ATP2B2: variants seen among roughly 807,000 people sequenced by gnomAD.
The protein encoded by ATP2B2 is plasma membrane calcium-transporting ATPase 2.
A neutral mutation model predicts 120.0 loss-of-function variants in ATP2B2; 15 were observed. The observed-to-expected ratio is 0.12, with a 90% CI of 0.08 to 0.19. The LOEUF (loss-of-function observed/expected upper bound fraction) is 0.19, where lower values mean the gene tolerates loss of function less well. ATP2B2 is among the 10% of genes least tolerant of loss of function. The pLI is 1.00. For missense variants in ATP2B2, 1,045 were observed against 1,719.8 expected (o/e 0.61, Z 6.94); for synonymous variants, 694 against 700.3 (o/e 0.99, Z 0.14).
At chr3:10,671,491 G>C (rs758192089) in intron 1 of ATP2B2, among the ~76,000 whole-genome samples, 3 of 152,170 alleles carry the variant, frequency 2.0e-5, no homozygotes, top group Non-Finnish European at 4.4e-5. Context: ...CCACATCCCA[G>C]GAAGTCTCTT....
intron 1 of ATP2B2, among the ~76,000 whole-genome samples, chr3:10,688,022 ATTATCT>A (rs1211090471): frequency 1.3e-5 from 2 of 152,164 alleles, no homozygotes; most frequent in African/African-American, 2.4e-5. Flanking sequence ...AAATACACAC[ATTATCT>A]TTATTCATAT....
chr3:10,410,364 A>G (rs2062567107), intron 3 of ATP2B2, among the ~76,000 whole-genome samples: 1 of 152,222 alleles, frequency 6.6e-6, no homozygotes, highest in African/African-American at 2.4e-5. Context: ...AGCACACTGT[A>G]AGTGCTCAAA....
chr3:10,487,706 A>T (rs1271907826), intron 1 of ATP2B2, among the ~76,000 whole-genome samples: 1 of 152,200 alleles, frequency 6.6e-6, no homozygotes, highest in Non-Finnish European at 1.5e-5. Context: ...CGGGAAAGGA[A>T]ACAGAGAGAA....
chr3:10,653,197 C>A (rs1006831485), intron 1 of ATP2B2, among the ~76,000 whole-genome samples: 3 of 152,188 alleles, frequency 2.0e-5, no homozygotes, highest in African/African-American at 7.2e-5. Context: ...GAGCAGCAGG[C>A]CTGCACGGCT....
At position 10,401,030 on chromosome 3, in the gene ATP2B2, T is replaced by C. The variant is rs758879461; in HGVS notation, c.704A>G (p.Lys235Arg). 3 of 1,614,122 alleles carry C rather than the reference T, an allele frequency of 1.9e-6. No individual in the cohort carries two copies. Among genetic ancestry groups the C allele is most frequent in the Non-Finnish European group, 2.5e-6 (3 of 1,180,004 alleles). Residue 235 changes from lysine to arginine, a missense_variant, in exon 5 of 23, where the codon AAG (lysine) becomes AGG (arginine). This residue lies in a region of ATP2B2 where 145 missense variants were observed against 202.0 expected (regional missense o/e 0.72). Coordinates refer to ENST00000360273, the MANE Select transcript of ATP2B2 (RefSeq NM_001001331.4). ...TCCAGTTAGGGAGCTTTCATCAATC[T>C]TGAGGTCATTGCCCTGGATGAAGAG... ...DGLFIQGNDL[K>R]IDESSLTGES...
intron 2 of ATP2B2, among the ~76,000 whole-genome samples, chr3:10,556,477 C>T (rs1168979975): frequency 1.3e-5 from 2 of 152,130 alleles, no homozygotes; most frequent in African/African-American, 2.4e-5. Flanking sequence ...CAAGGCAGGG[C>T]GAGTGGCAAG....
At chr3:10,434,103 C>G (rs1400202270) in intron 2 of ATP2B2, among the ~76,000 whole-genome samples, 1 of 152,182 alleles carries the variant, frequency 6.6e-6, no homozygotes, top group Non-Finnish European at 1.5e-5. Context: ...GTGGGGCATA[C>G]CCCACTAGGG....
Position 10,327,736 on chromosome 3 carries a change from A to G in ATP2B2, c.*1078T>C, listed in dbSNP as rs1574912289. 1 of 152,696 alleles carries G rather than the reference A, an allele frequency of 6.5e-6. No homozygotes were observed. The highest frequency in any genetic ancestry group is 1.5e-5 in the Non-Finnish European group (1 of 68,042). The allele number at this position is 152,696 out of a possible 1,614,324, so 9.5% of individuals were successfully genotyped here. A position where few individuals can be genotyped will look rare whatever the true frequency, so the allele number is the denominator to read the frequency against. ...GGATGGCCGTTAGTGTTGCAAACCC[A>G]GGAAGCCTTCTCTCCTCCTCTCCCT... is the stretch of plus-strand genomic sequence containing the variant. On this transcript the variant is annotated 3_prime_UTR_variant, in exon 23 of 23. Transcript: ENST00000360273.
chr3:10,643,779 G>A (rs909637507), intron 1 of ATP2B2, among the ~76,000 whole-genome samples: 6 of 152,138 alleles, frequency 3.9e-5, no homozygotes, highest in African/African-American at 1.4e-4. Flanking sequence ...ACAACCAAAT[G>A]CAGTATCTGA....
intron 3 of ATP2B2, among the ~76,000 whole-genome samples, chr3:10,532,793 C>G (rs1449444670): frequency 1.3e-5 from 2 of 152,178 alleles, no homozygotes; most frequent in African/African-American, 4.8e-5. Flanking sequence ...TGCTTGTTTG[C>G]TCCCTCCCTG....
intron 2 of ATP2B2, among the ~76,000 whole-genome samples, chr3:10,597,184 CACAG>C: frequency 6.6e-6 from 1 of 151,142 alleles, no homozygotes. Context: ...GGCACAGGCA[CACAG>C]ACATACACAC....
chr3:10,466,189 A>T (rs182759600), intron 1 of ATP2B2, among the ~76,000 whole-genome samples: 12 of 152,342 alleles, frequency 7.9e-5, no homozygotes, highest in Admixed American at 6.5e-4. Flanking sequence ...TTTTAGGTTG[A>T]GCTGAGATTT....
At chr3:10,670,215 C>T (rs2071059576) in intron 1 of ATP2B2, among the ~76,000 whole-genome samples, 1 of 152,198 alleles carries the variant, frequency 6.6e-6, no homozygotes, top group African/African-American at 2.4e-5. Context: ...CTGAACTAGC[C>T]TTCGCTGGAG....
intron 3 of ATP2B2, among the ~76,000 whole-genome samples, chr3:10,530,007 C>T (rs1028559760): frequency 2.0e-5 from 3 of 152,170 alleles, no homozygotes; most frequent in Admixed American, 1.3e-4. Flanking sequence ...CCTCTGACAC[C>T]TTGATCTTGG....
In ATP2B2 at chr3:10,333,450, A is replaced by C. The variant is rs1196343897; in HGVS notation, c.3421-4325T>G. Among the ~76,000 whole-genome samples, 8 of 152,220 alleles carry C rather than the reference A, an allele frequency of 5.3e-5. No individual in the cohort carries two copies. In the East Asian group the frequency reaches 1.2e-3, roughly 22 times the overall value. ...GGGAGGAAAGCACACTGGCTTCTGC[A>C]GGGACCTTGGCTGGTGTTTAGAGGG... is the stretch of plus-strand genomic sequence containing the variant. On this transcript the variant is annotated intron_variant, in intron 22 of 22. Coordinates refer to ENST00000360273, the MANE Select transcript of ATP2B2 (RefSeq NM_001001331.4).
chr3:10,446,028 G>A (rs1399145461), intron 2 of ATP2B2, among the ~76,000 whole-genome samples: 2 of 152,208 alleles, frequency 1.3e-5, no homozygotes, highest in African/African-American at 2.4e-5. Flanking sequence ...CCAGGTGGCC[G>A]TGCTTGGCTC....
chr3:10,516,962 A>ATGTGTGTG lies in ATP2B2; in HGVS notation c.-320+17069_-320+17076dup, dbSNP rs112098821. 4.1e-3 allele frequency among the ~76,000 whole-genome samples: 613 copies of ATGTGTGTG among 149,816 alleles called. 4 individuals carry two copies. Among genetic ancestry groups the ATGTGTGTG allele is most frequent in the African/African-American group, 0.014 (568 of 40,996 alleles). ...GCTTGTTTAGATCTACAATTTTCAG[A>ATGTGTGTG]TGTGTGTGTGTGTGTGTGTGTGTTT... On this transcript the variant is annotated intron_variant, in intron 3 of 21. Coordinates refer to the ATP2B2 transcript ENST00000646379.
chr3:10,514,289 G>A (rs955934121), intron 3 of ATP2B2, among the ~76,000 whole-genome samples: 5 of 152,210 alleles, frequency 3.3e-5, no homozygotes, highest in African/African-American at 9.6e-5. Flanking sequence ...GAGCAGGGAA[G>A]AGGTGGGATG....
intron 2 of ATP2B2, among the ~76,000 whole-genome samples, chr3:10,599,123 C>T (rs2068838456): frequency 6.6e-6 from 1 of 152,228 alleles, no homozygotes; most frequent in African/African-American, 2.4e-5. Context: ...TTAGTCCACA[C>T]TCTGTGAGGC....
Sources: gnomAD v4.1 joint callset for allele counts (sites outside exome capture counted in the v4.1 genomes callset) on GRCh38, gnomAD v4.1.1 for gene constraint, gnomAD v4.1.1 regional missense constraint, MANE v1.5 for transcripts, NCBI Gene and HGNC (gene_info 2026-07-23, HGNC 2026-07-21) for gene names.